The following VTI1B variants were observed in gnomAD, a reference collection of about 807,000 sequenced individuals.
VTI1B encodes vesicle transport through interaction with t-SNAREs homolog 1B.
VTI1B carries 18 observed loss-of-function variants against 28.6 expected under a neutral mutation model. The observed-to-expected ratio is 0.63, with a 90% CI of 0.43 to 0.93. VTI1B has a LOEUF of 0.93. Among genes scored for constraint, VTI1B ranks in the 40% least tolerant of loss-of-function variants. VTI1B has a pLI of 0.00. For synonymous variants in VTI1B, 100 were observed against 107.9 expected (o/e 0.93, Z 0.46); for missense variants, 283 against 297.0 (o/e 0.95, Z 0.35).
At position 67,650,616 on chromosome 14, in the gene VTI1B, T is replaced by TC; in HGVS notation, c.*768_*769insG. 1 of 1,105,072 alleles carries TC rather than the reference T, an allele frequency of 9.0e-7. No homozygotes were observed. The highest frequency in any genetic ancestry group is 2.4e-5 in the East Asian group (1 of 41,760). 68.5% of individuals were successfully genotyped at this position (1,105,072 alleles called of 1,614,324 possible). On this transcript the variant is annotated 3_prime_UTR_variant, in exon 6 of 6. Transcript: ENST00000554659. ...TATTTTCTACTATAAAATGGACTCT[T>TC]GTTTTTACTTTGGCTTGTTCTCCCT... is the stretch of plus-strand genomic sequence containing the variant.
At chr14:67,657,586 ACG>A (rs769727925) in intron 3 of VTI1B, among the ~76,000 whole-genome samples, 3 of 142,976 alleles carry the variant, frequency 2.1e-5, no homozygotes, top group East Asian at 4.0e-4. Context: ...TGTTCAAAGC[ACG>A]CGCGCGCGTG....
chr14:67,662,085 G>C (rs1035647031), intron 2 of VTI1B, among the ~76,000 whole-genome samples: 7 of 152,040 alleles, frequency 4.6e-5, no homozygotes, highest in African/African-American at 1.5e-4. Flanking sequence ...GAACCCGGGA[G>C]GTGGAGCTTG....
In VTI1B at chr14:67,662,859, C is replaced by T. The variant is rs187818821; in HGVS notation, c.116-324G>A. ...TGGAAGTGGCAATGAGCCGAGATTG[C>T]GCCATTGCACTCCAGCCTGGGCAAT... is the stretch of plus-strand genomic sequence containing the variant. On this transcript the variant is annotated intron_variant, in intron 1 of 5. Coordinates refer to ENST00000554659, the MANE Select transcript of VTI1B (RefSeq NM_006370.3). Among the ~76,000 whole-genome samples, 292 of 146,530 alleles carry T rather than the reference C, an allele frequency of 2.0e-3. 1 individual carries two copies. The highest frequency in any genetic ancestry group is 3.5e-3 in the Middle Eastern group (1 of 284).
chr14:67,654,371 A>G (rs1372204387), intron 4 of VTI1B, among the ~76,000 whole-genome samples: 4 of 152,098 alleles, frequency 2.6e-5, no homozygotes, highest in African/African-American at 7.2e-5. Context: ...TCAAACTCCT[A>G]GGCTCAAGCC....
chr14:67,667,852 A>G (rs979048696), intron 1 of VTI1B, among the ~76,000 whole-genome samples: 42 of 152,162 alleles, frequency 2.8e-4, no homozygotes, highest in Admixed American at 7.2e-4. Context: ...GCTGAGGCAG[A>G]AGAATGGCGT....
chr14:67,651,717 GA>G, intron 5 of VTI1B: 1 of 367,288 alleles, frequency 2.7e-6, no homozygotes. Flanking sequence ...AATGGATTCT[GA>G]AATGTTGTTC....
intron 2 of VTI1B, chr14:67,660,185 A>G (rs2037318451): frequency 3.0e-6 from 1 of 328,472 alleles, no homozygotes; most frequent in East Asian, 5.7e-5. Flanking sequence ...ATAGCTTACT[A>G]AACACTTTTA....
intron 1 of VTI1B, among the ~76,000 whole-genome samples, chr14:67,667,869 G>A (rs1219573665): frequency 3.9e-5 from 6 of 152,108 alleles, no homozygotes; most frequent in East Asian, 3.9e-4. Context: ...GCGTGAACCC[G>A]GAAGGCAGAA....
At chr14:67,662,205 A>T (rs2037346441) in intron 2 of VTI1B, among the ~76,000 whole-genome samples, 1 of 152,130 alleles carries the variant, frequency 6.6e-6, no homozygotes, top group South Asian at 2.1e-4. Flanking sequence ...AGATTTTAAA[A>T]GACTGCTTGG....
At chr14:67,668,945 G>A (rs2037434652) in intron 1 of VTI1B, among the ~76,000 whole-genome samples, 1 of 151,826 alleles carries the variant, frequency 6.6e-6, no homozygotes, top group Non-Finnish European at 1.5e-5. Context: ...CAGAAAATAA[G>A]TACTCTGGAA....
intron 3 of VTI1B, among the ~76,000 whole-genome samples, chr14:67,658,584 G>A (rs377527972): frequency 3.2e-4 from 49 of 152,092 alleles, no homozygotes; most frequent in African/African-American, 1.1e-3. Context: ...GTGACAGAGC[G>A]AGACTCCGTC....
At chr14:67,652,375 C>G (rs1181108404) in intron 5 of VTI1B, 1 of 174,014 alleles carries the variant, frequency 5.7e-6, no homozygotes, top group Non-Finnish European at 1.3e-5. Flanking sequence ...AAGTCAATCC[C>G]ATTTCTTGGG....
At chr14:67,659,644 A>G in intron 3 of VTI1B, 87 bp downstream of exon 3, 1 of 1,346,992 alleles carries the variant, frequency 7.4e-7, no homozygotes, top group Non-Finnish European at 1.0e-6. Flanking sequence ...ATACACTGAT[A>G]ACATGAAATA....
intron 1 of VTI1B, among the ~76,000 whole-genome samples, chr14:67,667,225 T>G (rs1305490237): frequency 2.0e-5 from 3 of 152,184 alleles, no homozygotes; most frequent in South Asian, 4.1e-4. Context: ...CCTCTCTTCC[T>G]TATGGGGATT....
chr14:67,648,115 G>A lies in VTI1B; in HGVS notation c.*3270C>T, dbSNP rs1207196762. ...GACCCTACACTGGCTCCAGCCACAG[G>A]AACTCCTGTTGTCGGGGGACTAACC... On this transcript the variant is annotated 3_prime_UTR_variant, in exon 6 of 6. Transcript: ENST00000554659. The A allele has an allele frequency of 6.2e-7, 1 of 1,613,892 alleles. No homozygotes were observed. The highest frequency in any genetic ancestry group is 2.2e-5 in the East Asian group (1 of 44,886).
intron 1 of VTI1B, among the ~76,000 whole-genome samples, chr14:67,673,352 A>C (rs1734336214): frequency 6.6e-6 from 1 of 152,170 alleles, no homozygotes; most frequent in African/African-American, 2.4e-5. Flanking sequence ...TCAAAAAAAA[A>C]AATGATAAAT....
intron 1 of VTI1B, among the ~76,000 whole-genome samples, chr14:67,667,504 T>G (rs2037415911): frequency 1.3e-5 from 2 of 152,182 alleles, no homozygotes; most frequent in South Asian, 4.1e-4. Context: ...AAGGGTTGTT[T>G]GAAAGGGTTA....
At chr14:67,660,692 G>A (rs2037323453) in intron 2 of VTI1B, among the ~76,000 whole-genome samples, 2 of 152,160 alleles carry the variant, frequency 1.3e-5, no homozygotes, top group African/African-American at 4.8e-5. Context: ...TTTTTCTGGG[G>A]TAAGTAAAAT....
intron 1 of VTI1B, among the ~76,000 whole-genome samples, chr14:67,669,101 G>A (rs1369121162): frequency 3.3e-5 from 5 of 152,110 alleles, no homozygotes; most frequent in Non-Finnish European, 1.5e-5. Context: ...CTGTGAAGTA[G>A]ATACTATGAT....
Sources: gnomAD v4.1 joint callset for allele counts (sites outside exome capture counted in the v4.1 genomes callset) on GRCh38, gnomAD v4.1.1 for gene constraint, MANE v1.5 for transcripts, NCBI Gene and HGNC (gene_info 2026-07-23, HGNC 2026-07-21) for gene names.